The following CHST6 variants were observed in gnomAD, a reference collection of about 807,000 sequenced individuals.
CHST6 encodes the protein N-acetylglucosamine 6-O-sulfotransferase 5.
For missense variants in CHST6, 698 were observed against 586.2 expected, an observed-to-expected ratio of 1.19 and a Z score of -1.97; for synonymous variants, 309 against 276.4, an observed-to-expected ratio of 1.12 and a Z score of -1.17.
chr16:75,492,217 C>A (rs1157274078), intron 1 of CHST6, among the ~76,000 whole-genome samples: 2 of 152,260 alleles, frequency 1.3e-5, no homozygotes, highest in African/African-American at 4.8e-5. Context: ...CAGATAGCAA[C>A]ACACAAACCC....
chr16:75,487,207 G>A (rs780147238), intron 1 of CHST6, among the ~76,000 whole-genome samples: 13 of 152,180 alleles, frequency 8.5e-5, no homozygotes, highest in Non-Finnish European at 1.9e-4. Flanking sequence ...TTCTTGGCCT[G>A]GCCTGAGAGA....
rs956006923 is a variant in CHST6 at position 75,476,080 on chromosome 16, C to G, written c.*2561G>C. ...CAGGCTGGTCTCAAACTCCTGACCT[C>G]AAGTGATCCACCTGCCTCAGCCTTC... On this transcript the variant is annotated 3_prime_UTR_variant, in exon 3 of 3. Transcript: ENST00000332272. 8.6e-5 allele frequency: 13 copies of G among 151,852 alleles called. No individual in the cohort carries two copies. Among genetic ancestry groups the G allele is most frequent in the African/African-American group, 3.1e-4 (13 of 41,356 alleles). 9.4% of individuals were successfully genotyped at this position (151,852 alleles called of 1,614,324 possible). A position where few individuals can be genotyped will look rare whatever the true frequency, so the allele number is the denominator to read the frequency against.
chr16:75,481,739 T>A lies in CHST6; in HGVS notation c.-17+78A>T, dbSNP rs141381353. 887 of 448,652 alleles carry A rather than the reference T, an allele frequency of 2.0e-3. 4 individuals carry two copies. The highest frequency in any genetic ancestry group is 3.0e-3 in the Middle Eastern group (4 of 1,350). The allele number at this position is 448,652 out of a possible 1,614,324, so 27.8% of individuals were successfully genotyped here. ...CCTGTGGGTTTGCAAGGAGACCAGC[T>A]GAGGCGGAGCTGGGATGGAGCCAGA... On this transcript the variant is annotated intron_variant, in intron 2 of 2. Transcript: ENST00000332272.
At chr16:75,491,190 A>AATATATATATATATATATATATAT (rs1555501738) in intron 1 of CHST6, among the ~76,000 whole-genome samples, 1 of 50,076 alleles carries the variant, frequency 2.0e-5, no homozygotes, top group African/African-American at 1.1e-4. Context: ...AAAAAAAAAA[A>AATATATATATATATATATATATAT]ATATATATAT....
intron 1 of CHST6, among the ~76,000 whole-genome samples, chr16:75,492,758 G>A (rs1264130956): frequency 9.5e-6 from 1 of 105,460 alleles, no homozygotes; most frequent in African/African-American, 6.6e-5. Context: ...GCTGAGGCAG[G>A]AGAATCACTG....
chr16:75,492,815 C>T (rs1597486810), intron 1 of CHST6, among the ~76,000 whole-genome samples: 1 of 152,206 alleles, frequency 6.6e-6, no homozygotes, highest in African/African-American at 2.4e-5. Context: ...CGCCACTGCA[C>T]TCCAGTCTGG....
chr16:75,488,143 G>C (rs1424495566), intron 1 of CHST6, among the ~76,000 whole-genome samples: 1 of 152,202 alleles, frequency 6.6e-6, no homozygotes, highest in African/African-American at 2.4e-5. Flanking sequence ...TCTGTTTAGA[G>C]TTGGCTGGAG....
rs567684809 is a variant in CHST6, at chr16:75,495,076, G to C, written c.-228C>G. ...CCAGCTCTTTCTCTTCACTGGGAGGGTCCGCAGGGGCTGACTTGCTCCTTA... is the reference window on the plus strand; with the variant it reads ...CCAGCTCTTTCTCTTCACTGGGAGGCTCCGCAGGGGCTGACTTGCTCCTTA... On this transcript the variant is annotated 5_prime_UTR_variant, in exon 1 of 3. Coordinates refer to ENST00000332272, the MANE Select transcript of CHST6 (RefSeq NM_021615.5). 18 of 152,688 alleles carry C rather than the reference G, an allele frequency of 1.2e-4. No homozygotes were observed. In the East Asian group the frequency reaches 3.5e-3, roughly 29 times the overall value. The allele number at this position is 152,688 out of a possible 1,614,324, so 9.5% of individuals were successfully genotyped here.
In CHST6 at chr16:75,479,777, G is replaced by C. The variant is rs72547550; in HGVS notation, c.52C>G (p.Gln18Glu). 1 of 1,594,230 alleles carries C rather than the reference G, an allele frequency of 6.3e-7. No homozygotes were observed. The highest frequency in any genetic ancestry group is 8.5e-7 in the Non-Finnish European group (1 of 1,171,722). Reference sequence around the variant, plus strand: ...ACCAGAAAGAGGAGGAGGAAGGTCTGCGCCAGGAGGAGCGCGGTCACTGCT... The same window carrying C: ...ACCAGAAAGAGGAGGAGGAAGGTCTCCGCCAGGAGGAGCGCGGTCACTGCT... ...STAVTALLLAQTFLLLFLVSR... is the reference protein window; with the variant it reads ...STAVTALLLAETFLLLFLVSR... Residue 18 changes from glutamine (Q) to glutamate (E), a missense_variant, in exon 3 of 3, where the codon CAG becomes GAG. Gln to Glu is a conservative substitution (Grantham distance 29). Transcript: ENST00000332272.
chr16:75,494,688 G>C (rs1197826643), intron 1 of CHST6, among the ~76,000 whole-genome samples: 2 of 152,216 alleles, frequency 1.3e-5, no homozygotes, highest in East Asian at 1.9e-4. Context: ...CAAGTATCGA[G>C]ACAAAAGGGG....
At chr16:75,483,484 C>T (rs887120588) in intron 1 of CHST6, among the ~76,000 whole-genome samples, 3 of 152,154 alleles carry the variant, frequency 2.0e-5, no homozygotes, top group African/African-American at 7.2e-5. Context: ...TCCAGAAGAC[C>T]AGTTCCTAGC....
At position 75,478,381 on chromosome 16, in the gene CHST6, C is replaced by G; in HGVS notation, c.*260G>C. 3 of 507,682 alleles carry G rather than the reference C, an allele frequency of 5.9e-6. No homozygotes were observed. The highest frequency in any genetic ancestry group is 1.1e-5 in the Non-Finnish European group (3 of 284,724). 31.4% of individuals were successfully genotyped at this position (507,682 alleles called of 1,614,324 possible). The stretch of plus-strand genomic sequence containing the variant: ...AGGAGCCAAGTCATCTGAACGCACA[C>G]CCTGTGCCCAGAGGAGGAGGGGCAA... On this transcript the variant is annotated 3_prime_UTR_variant, in exon 3 of 3. Coordinates refer to ENST00000332272, the MANE Select transcript of CHST6 (RefSeq NM_021615.5).
Position 75,479,203 on chromosome 16 carries a change from C to T in CHST6, c.626G>A (p.Arg209His). 2 of 1,609,218 alleles carry T rather than the reference C, an allele frequency of 1.2e-6. No homozygotes were observed. Among genetic ancestry groups the T allele is most frequent in the South Asian group, 1.1e-5 (1 of 90,992 alleles). Reference sequence around the variant, plus strand: ...AGCCTTGGCTGTCTGCTCCCGGGAGCGCAGCACGGCCCGCGGGTCGCGCAC... The same window carrying T: ...AGCCTTGGCTGTCTGCTCCCGGGAGTGCAGCACGGCCCGCGGGTCGCGCAC... ...HLVRDPRAVL[R>H]SREQTAKALA... Residue 209 changes from arginine (R) to histidine (H), a missense_variant, in exon 3 of 3, where the codon CGC (arginine) becomes CAC (histidine). By Grantham distance (29) the Arg-to-His change is conservative. Coordinates refer to ENST00000332272, the MANE Select transcript of CHST6 (RefSeq NM_021615.5).
At chr16:75,491,293 T>A in intron 1 of CHST6, among the ~76,000 whole-genome samples, 1 of 148,158 alleles carries the variant, frequency 6.7e-6, no homozygotes, top group Non-Finnish European at 1.5e-5. Flanking sequence ...AGCCATTATT[T>A]AAAAAAATAC....
rs1056955605 is a variant in CHST6 at position 75,476,500 on chromosome 16, G to C, written c.*2141C>G. The C allele has an allele frequency of 1.7e-4, 24 of 138,152 alleles. No individual in the cohort carries two copies. The highest frequency in any genetic ancestry group is 5.4e-4 in the Admixed American group (7 of 12,888). 8.6% of individuals were successfully genotyped at this position (138,152 alleles called of 1,614,324 possible). A position where few individuals can be genotyped will look rare whatever the true frequency, so the allele number is the denominator to read the frequency against. ...CAGGAGGCAGAGAGAGGCAGAGGTTGCAGTGAGCCGAGATTGTGCCACTGC... is the reference window on the plus strand; with the variant it reads ...CAGGAGGCAGAGAGAGGCAGAGGTTCCAGTGAGCCGAGATTGTGCCACTGC... On this transcript the variant is annotated 3_prime_UTR_variant, in exon 3 of 3. Transcript: ENST00000332272.
intron 1 of CHST6, among the ~76,000 whole-genome samples, chr16:75,492,456 T>A (rs2080266691): frequency 6.6e-6 from 1 of 152,280 alleles, no homozygotes; most frequent in Non-Finnish European, 1.5e-5. Context: ...TCTGGAATGT[T>A]CCCTGGTTTA....
chr16:75,479,365 C>T lies in CHST6; in HGVS notation c.464G>A (p.Arg155Gln), dbSNP rs763278830. ...CTCCCGGGCCAGGGTGAAGGACTGC[C>T]GCGCGCACAGTGGCTTGCACACGGC... ...SEAVCKPLCARQSFTLAREAC... is the reference protein window; with the variant it reads ...SEAVCKPLCAQQSFTLAREAC... Residue 155 changes from arginine (R) to glutamine (Q), a missense_variant, in exon 3 of 3, where the codon CGG (arginine) becomes CAG (glutamine). By Grantham distance (43) the Arg-to-Gln change is conservative (BLOSUM62 1). Transcript: ENST00000332272. The T allele has an allele frequency of 2.5e-6, 4 of 1,612,674 alleles. No homozygotes were observed. Among genetic ancestry groups the T allele is most frequent in the South Asian group, 2.2e-5 (2 of 91,070 alleles).
Position 75,474,299 on chromosome 16 carries a change from G to T in CHST6, c.*4342C>A. 1 of 318,244 alleles carries T rather than the reference G, an allele frequency of 3.1e-6. No individual in the cohort carries two copies. 19.7% of individuals were successfully genotyped at this position (318,244 alleles called of 1,614,324 possible). On this transcript the variant is annotated 3_prime_UTR_variant, in exon 3 of 3. Coordinates refer to ENST00000332272, the MANE Select transcript of CHST6 (RefSeq NM_021615.5). ...GATGGGGTCATTTATTTAGAGATAG[G>T]TGTCTTGCTCTGTCACTCAGGCTGG...
chr16:75,479,064 G>A lies in CHST6; in HGVS notation c.765C>T (p.Ala255=), dbSNP rs1240807684. ...GAAAGGGTGGCGGCTTGAGTGTGGC[G>A]GCCTCGGCGATGCGTACGTGGCTAC... ...VCRSHVRIAE[A]ATLKPPPFLR... is the part of the protein sequence containing the mutation. The change falls in exon 3 of 3, where the codon GCC becomes GCT. Residue 255 remains alanine (A), a synonymous_variant. Transcript: ENST00000332272. 2 of 1,606,520 alleles carry A rather than the reference G, an allele frequency of 1.2e-6. No homozygotes were observed. Among genetic ancestry groups the A allele is most frequent in the Middle Eastern group, 1.6e-4 (1 of 6,080 alleles).
Sources: gnomAD v4.1 joint callset for allele counts (sites outside exome capture counted in the v4.1 genomes callset) on GRCh38, gnomAD v4.1.1 for gene constraint, MANE v1.5 for transcripts, NCBI Gene and HGNC (gene_info 2026-07-23, HGNC 2026-07-21) for gene names.